The following SLC6A19 variants were observed in gnomAD, a reference collection of about 807,000 sequenced individuals.
The protein encoded by SLC6A19 is sodium-dependent neutral amino acid transporter B(0)AT1.
Under a neutral mutation model 68.3 loss-of-function variants are expected in SLC6A19, and 67 were observed. The ratio of observed to expected loss-of-function variants is 0.98; its 90% confidence interval spans 0.81 to 1.20. SLC6A19 has a LOEUF of 1.20. Ranked by LOEUF, SLC6A19 falls within the 50% of genes most tolerant of loss-of-function variation. The pLI, the probability that SLC6A19 is intolerant of heterozygous loss-of-function variation, is 0.00. For missense variants in SLC6A19, 813 were observed against 851.6 expected, an observed-to-expected ratio of 0.95 and a Z score of 0.56; for synonymous variants, 392 against 374.9, an observed-to-expected ratio of 1.05 and a Z score of -0.53.
intron 1 of SLC6A19, among the ~76,000 whole-genome samples, chr5:1,202,210 T>C (rs541855793): frequency 7.2e-5 from 11 of 152,160 alleles, no homozygotes; most frequent in Non-Finnish European, 1.5e-4. Context: ...TGGGCCCTCC[T>C]GGGCATCACC....
intron 10 of SLC6A19, among the ~76,000 whole-genome samples, chr5:1,220,274 G>A (rs1746339104): frequency 6.6e-6 from 1 of 152,048 alleles, no homozygotes; most frequent in South Asian, 2.1e-4. Context: ...GCCAGGCATG[G>A]TGGTGCATGC....
chr5:1,202,011 G>A (rs896065882), intron 1 of SLC6A19, among the ~76,000 whole-genome samples, 159 bp downstream of exon 1: 1 of 152,196 alleles, frequency 6.6e-6, no homozygotes, highest in East Asian at 1.9e-4. Flanking sequence ...GCCCCCACGG[G>A]CCCCCGTGCC....
At position 1,222,340 on chromosome 5, in the gene SLC6A19, G is replaced by C. The variant is rs551055715; in HGVS notation, c.*436G>C. 8.0e-6 allele frequency: 4 copies of C among 498,124 alleles called. No homozygotes were observed. The East Asian group carries it at 1.2e-4, about 15-fold the overall frequency. 30.9% of individuals were successfully genotyped at this position (498,124 alleles called of 1,614,324 possible). On this transcript the variant is annotated 3_prime_UTR_variant, in exon 12 of 12. Coordinates refer to ENST00000304460, the MANE Select transcript of SLC6A19 (RefSeq NM_001003841.3). ...GGTGTGCATATGTGTGAACACACAC[G>C]TGTATACATGCATGCACATGTGCTC...
rs779424722 is a variant in SLC6A19 at position 1,213,958 on chromosome 5, G to C, written c.780G>C (p.Thr260=). The change falls in exon 6 of 12, where the codon ACG becomes ACC. Residue 260 remains threonine (T), a synonymous_variant. Transcript: ENST00000304460. ...AGGGTCTCCATGTGGCGCAGGTCACGGAGCTGGCCCAGCCGGACACCTGGC... is the reference window on the plus strand; with the variant it reads ...AGGGTCTCCATGTGGCGCAGGTCACCGAGCTGGCCCAGCCGGACACCTGGC... ...GIVFLFTPNV[T]ELAQPDTWLD... 28 of 1,613,058 alleles carry C rather than the reference G, an allele frequency of 1.7e-5. No homozygotes were observed. The highest frequency in any genetic ancestry group is 2.4e-5 in the Non-Finnish European group (28 of 1,179,998).
intron 10 of SLC6A19, 102 bp from the exon 11 acceptor site, chr5:1,221,049 C>T (rs1422626272): frequency 1.6e-5 from 23 of 1,475,450 alleles, no homozygotes; most frequent in African/African-American, 4.2e-5. Flanking sequence ...AGGCCGGGCA[C>T]CTCGCAGCAC....
At position 1,210,350 on chromosome 5, in the gene SLC6A19, T is replaced by TG. The variant is rs1745989701; in HGVS notation, c.344-93dup. On this transcript the variant is annotated intron_variant, in intron 2 of 11. Transcript: ENST00000304460. ...GGAGTAGCCCATCCCAGCCACACCC[T>TG]GTGCCAGCCCTGGGACCTCCTGCTC... 5 of 1,557,498 alleles carry TG rather than the reference T, an allele frequency of 3.2e-6. No individual in the cohort carries two copies. The Admixed American group carries it at 9.0e-5, about 28-fold the overall frequency.
intron 10 of SLC6A19, 56 bp downstream of exon 10, chr5:1,219,720 C>A: frequency 1.9e-6 from 3 of 1,594,944 alleles, no homozygotes; most frequent in South Asian, 1.1e-5. Context: ...GGTCACAGGG[C>A]GTTCCTGTGA....
rs776514783 is a variant in SLC6A19 at position 1,221,792 on chromosome 5, C to T, written c.1793C>T (p.Pro598Leu). ...IVAGVPSLTI[P>L]GYAIYKLIRN... is the part of the protein sequence containing the mutation. ...GCTGGAGTGCCCTCCCTCACCATCC[C>T]TGGCTATGCCATCTACAAGCTCATC... The change falls in exon 12 of 12, where the codon CCT (proline) becomes CTT (leucine). Residue 598 changes from proline (P) to leucine (L), a missense_variant. By Grantham distance (98) the Pro-to-Leu change is moderately conservative (BLOSUM62 -3). Coordinates refer to ENST00000304460, the MANE Select transcript of SLC6A19 (RefSeq NM_001003841.3). The T allele has an allele frequency of 1.1e-5, 17 of 1,614,104 alleles. No homozygotes were observed. The highest frequency in any genetic ancestry group is 1.4e-5 in the Non-Finnish European group (16 of 1,180,022).
chr5:1,202,437 G>A (rs527841509), intron 1 of SLC6A19, among the ~76,000 whole-genome samples: 23 of 152,282 alleles, frequency 1.5e-4, no homozygotes, highest in South Asian at 2.1e-4. Context: ...TGGCTCCTGC[G>A]GCCCAGGTAG....
Position 1,214,068 on chromosome 5 carries a change from G to A in SLC6A19, c.887+3G>A. The A allele has an allele frequency of 1.9e-6, 3 of 1,613,822 alleles. No homozygotes were observed. The highest frequency in any genetic ancestry group is 1.3e-5 in the African/African-American group (1 of 75,068). ...TTCTCCAGCTACAACTCTGTGCAGT[G>A]AGTGCGGGTGTGGTGGGCCTCAGTT... On this transcript the variant is annotated splice_donor_region_variant and intron_variant, in intron 6 of 11. Coordinates refer to ENST00000304460, the MANE Select transcript of SLC6A19 (RefSeq NM_001003841.3). The surrounding 1 kb of genome is among the most constrained non-coding windows in gnomAD (Gnocchi z 7.4).
rs761449672 is a variant in SLC6A19, at chr5:1,219,007, C to T, written c.1278C>T (p.Cys426=). 4 of 1,614,010 alleles carry T rather than the reference C, an allele frequency of 2.5e-6. No homozygotes were observed. In the East Asian group the frequency reaches 8.9e-5, roughly 36 times the overall value. The change falls in exon 9 of 12, where the codon TGC becomes TGT. Residue 426 remains cysteine (C), a synonymous_variant. Transcript: ENST00000304460. ...WSVLFFIMLF[C]LGLSSMFGNM... is the part of the protein sequence containing the mutation. Reference sequence around the variant, plus strand: ...TGCTCTTCTTCATTATGCTCTTCTGCCTGGGGCTGTCATCTATGTTTGGGA... The same window carrying T: ...TGCTCTTCTTCATTATGCTCTTCTGTCTGGGGCTGTCATCTATGTTTGGGA...
chr5:1,213,648 A>G (rs1746118382), intron 5 of SLC6A19, 75 bp downstream of exon 5: 1 of 1,364,712 alleles, frequency 7.3e-7, no homozygotes, highest in African/African-American at 1.4e-5. Context: ...CAGCCTCAAT[A>G]CCAGCTCTCA....
chr5:1,222,497 C>T lies in SLC6A19; in HGVS notation c.*593C>T, dbSNP rs1015612410. 10 of 419,684 alleles carry T rather than the reference C, an allele frequency of 2.4e-5. No individual in the cohort carries two copies. The highest frequency in any genetic ancestry group is 1.8e-4 in the African/African-American group (9 of 49,812). 26.0% of individuals were successfully genotyped at this position (419,684 alleles called of 1,614,324 possible). On this transcript the variant is annotated 3_prime_UTR_variant, in exon 12 of 12. Coordinates refer to ENST00000304460, the MANE Select transcript of SLC6A19 (RefSeq NM_001003841.3). ...GCACATGTGTATATGTACATGTATG[C>T]CTGTGTGACGTGTGTATATGTGAGC... is the stretch of plus-strand genomic sequence containing the variant.
intron 10 of SLC6A19, among the ~76,000 whole-genome samples, chr5:1,220,272 T>A (rs1746338959): frequency 6.6e-6 from 1 of 151,722 alleles, no homozygotes; most frequent in Non-Finnish European, 1.5e-5. Context: ...TAGCCAGGCA[T>A]GGTGGTGCAT....
chr5:1,222,131 A>T lies in SLC6A19; in HGVS notation c.*227A>T, dbSNP rs1579519614. Reference sequence around the variant, plus strand: ...TGTGCACGTGTATGCACACATATACATGTGTGTGGGTGTGTGTATTGTATG... The same window carrying T: ...TGTGCACGTGTATGCACACATATACTTGTGTGTGGGTGTGTGTATTGTATG... On this transcript the variant is annotated 3_prime_UTR_variant, in exon 12 of 12. Transcript: ENST00000304460. 1 of 541,866 alleles carries T rather than the reference A, an allele frequency of 1.8e-6. No individual in the cohort carries two copies. The highest frequency in any genetic ancestry group is 3.3e-6 in the Non-Finnish European group (1 of 304,574). The allele number at this position is 541,866 out of a possible 1,614,324, so 33.6% of individuals were successfully genotyped here. A position where few individuals can be genotyped will look rare whatever the true frequency, so the allele number is the denominator to read the frequency against.
In SLC6A19 at chr5:1,212,251, TCCTCCCTTGGGGGA is replaced by T; in HGVS notation, c.482-49_482-36del. The T allele has an allele frequency of 6.2e-7, 1 of 1,607,966 alleles. No individual in the cohort carries two copies. The highest frequency in any genetic ancestry group is 8.5e-7 in the Non-Finnish European group (1 of 1,178,904). On this transcript the variant is annotated intron_variant, in intron 3 of 11. Coordinates refer to ENST00000304460, the MANE Select transcript of SLC6A19 (RefSeq NM_001003841.3). The surrounding 1 kb of genome is among the most constrained non-coding windows in gnomAD (Gnocchi z 5.1). The stretch of plus-strand genomic sequence containing the variant: ...TCTTCCAGCTCAGGGCCTTCCATTC[TCCTCCCTTGGGGGA>T]CCCGTACCCTGAGGTGTGTGAATGG...
At chr5:1,204,820 G>A (rs895107843) in intron 1 of SLC6A19, among the ~76,000 whole-genome samples, 5 of 152,216 alleles carry the variant, frequency 3.3e-5, no homozygotes, top group African/African-American at 7.2e-5. Context: ...GCCTGGCCCC[G>A]GGGTCAGCTT....
At chr5:1,202,015 C>T (rs1745719632) in intron 1 of SLC6A19, among the ~76,000 whole-genome samples, 163 bp downstream of exon 1, 3 of 152,204 alleles carry the variant, frequency 2.0e-5, no homozygotes, top group Admixed American at 2.0e-4. Flanking sequence ...CCACGGGCCC[C>T]CGTGCCCGGT....
intron 1 of SLC6A19, among the ~76,000 whole-genome samples, chr5:1,204,568 C>T (rs991035214): frequency 1.3e-5 from 2 of 152,224 alleles, no homozygotes; most frequent in Non-Finnish European, 2.9e-5. Flanking sequence ...CAGGCGGAGA[C>T]GCATTCATGC....
Sources: allele counts gnomAD v4.1 joint callset (sites outside exome capture counted in the v4.1 genomes callset), GRCh38; gene constraint gnomAD v4.1.1; non-coding constraint Gnocchi (gnomAD v3.1); transcripts MANE v1.5; gene names NCBI Gene and HGNC (gene_info 2026-07-23, HGNC 2026-07-21).